The following NEK10 variants were observed in gnomAD, a reference collection of about 807,000 sequenced individuals.
NEK10 encodes the protein NIMA related kinase 10.
NEK10 carries 122 observed loss-of-function variants against 159.8 expected under a neutral mutation model. That is an observed-to-expected ratio of 0.76 (90% CI 0.66 to 0.89). The LOEUF is 0.89. Among genes scored for constraint, NEK10 ranks in the 40% least tolerant of loss-of-function variants. NEK10 has a pLI of 0.00. For synonymous variants in NEK10, 466 were observed against 457.1 expected (o/e 1.02, Z -0.25); for missense variants, 1,342 against 1,323.1 (o/e 1.01, Z -0.22).
intron 22 of NEK10, among the ~76,000 whole-genome samples, chr3:27,272,292 A>C (rs2041426942): frequency 6.6e-6 from 1 of 152,152 alleles, no homozygotes; most frequent in African/African-American, 2.4e-5. Flanking sequence ...CTCATCATTC[A>C]GTCATCAGGG....
Position 27,116,128 on chromosome 3 carries a change from C to T in NEK10, c.3191-1G>A. On this transcript the variant is annotated splice_acceptor_variant, in intron 33 of 35. Transcript: ENST00000691995. LOFTEE classifies it high-confidence loss of function. The stretch of plus-strand genomic sequence containing the variant: ...TCCAATTCAATGCTGGTTGGTAAAC[C>T]TAAAAAAGATAAATTATGGAAAGTC... 1 of 1,613,008 alleles carries T rather than the reference C, an allele frequency of 6.2e-7. No individual in the cohort carries two copies. Among genetic ancestry groups the T allele is most frequent in the Non-Finnish European group, 8.5e-7 (1 of 1,179,424 alleles).
intron 33 of NEK10, among the ~76,000 whole-genome samples, chr3:27,117,024 G>A (rs1940555145): frequency 6.6e-6 from 1 of 151,998 alleles, no homozygotes; most frequent in Non-Finnish European, 1.5e-5. Context: ...TCCCCTCTCT[G>A]TGTCCATGTG....
intron 6 of NEK10, among the ~76,000 whole-genome samples, chr3:27,320,590 C>T (rs894809912): frequency 1.3e-5 from 2 of 152,124 alleles, no homozygotes; most frequent in Non-Finnish European, 2.9e-5. Context: ...ATAAGCAGCT[C>T]AGAAATGCAT....
At chr3:27,363,450 A>T (rs917680499) in intron 1 of NEK10, among the ~76,000 whole-genome samples, 2 of 152,272 alleles carry the variant, frequency 1.3e-5, no homozygotes, top group African/African-American at 4.8e-5. Context: ...TGCTGAATGA[A>T]TCAATCAATG....
intron 29 of NEK10, among the ~76,000 whole-genome samples, chr3:27,165,010 T>G (rs1946355908): frequency 6.6e-6 from 1 of 152,230 alleles, no homozygotes; most frequent in South Asian, 2.1e-4. Context: ...GCTATTCCTT[T>G]ATATAATTTT....
chr3:27,143,407 G>A, intron 30 of NEK10: 1 of 734,480 alleles, frequency 1.4e-6, no homozygotes. Flanking sequence ...GATCTGTGAT[G>A]ACATTTTGAA....
chr3:27,295,049 T>C lies in NEK10; in HGVS notation c.1308+564A>G, dbSNP rs180876339. On this transcript the variant is annotated intron_variant, in intron 15 of 35. Transcript: ENST00000691995. ...ATGAATGTAGAACCTGGCTAACTGT[T>C]CCCCTTTCTTACATGTGAGGCCTCA... 2.5e-4 allele frequency among the ~76,000 whole-genome samples: 38 copies of C among 151,966 alleles called. No individual in the cohort carries two copies. The South Asian group carries it at 6.9e-3, about 27-fold the overall frequency.
At chr3:27,331,654 C>A (rs2046428731) in intron 5 of NEK10, among the ~76,000 whole-genome samples, 1 of 152,122 alleles carries the variant, frequency 6.6e-6, no homozygotes. Flanking sequence ...GATCTAGGTC[C>A]TGGAGCAGAT....
intron 23 of NEK10, among the ~76,000 whole-genome samples, chr3:27,254,638 A>AT (rs1409608298): frequency 7.8e-6 from 1 of 127,950 alleles, no homozygotes; most frequent in Non-Finnish European, 1.8e-5. Context: ...CGGAGAGATG[A>AT]GAGAAGGGAG....
chr3:27,204,470 C>A (rs1488836166), intron 23 of NEK10, among the ~76,000 whole-genome samples: 124 of 97,462 alleles, frequency 1.3e-3, no homozygotes, highest in African/African-American at 4.7e-3. Context: ...TCCCCCCACC[C>A]CACCACAGTC....
chr3:27,212,476 C>G (rs1559620883), intron 23 of NEK10, among the ~76,000 whole-genome samples: 2 of 152,164 alleles, frequency 1.3e-5, no homozygotes. Flanking sequence ...ATGGCCATGG[C>G]CTTCGACAGC....
chr3:27,107,809 AAAG>A lies in NEK10; in HGVS notation c.*3460_*3462del, dbSNP rs961302873. Among the ~76,000 whole-genome samples, 1 of 152,238 alleles carries A rather than the reference AAAG, an allele frequency of 6.6e-6. No individual in the cohort carries two copies. The highest frequency in any genetic ancestry group is 1.5e-5 in the Non-Finnish European group (1 of 68,044). ...AAAGGCAATGATGAAAGTTCCTTAA[AAAG>A]AAGTTTTTCCTGCCTTCAGACAGGA... On this transcript the variant is annotated 3_prime_UTR_variant, in exon 36 of 36. Coordinates refer to ENST00000691995, the MANE Select transcript of NEK10 (RefSeq NM_001394966.1).
intron 31 of NEK10, among the ~76,000 whole-genome samples, chr3:27,139,677 G>A (rs1943579301): frequency 6.6e-6 from 1 of 152,156 alleles, no homozygotes; most frequent in South Asian, 2.1e-4. Flanking sequence ...TTAACTGGTT[G>A]TTTGAGTAAA....
chr3:27,307,090 T>C (rs556683383), intron 11 of NEK10, among the ~76,000 whole-genome samples: 1 of 152,348 alleles, frequency 6.6e-6, no homozygotes, highest in Admixed American at 6.5e-5. Flanking sequence ...ACTACATATT[T>C]ATAACTTATT....
At chr3:27,194,716 C>G (rs1457335628) in intron 25 of NEK10, 5 of 152,310 alleles carry the variant, frequency 3.3e-5, no homozygotes, top group African/African-American at 1.2e-4. Context: ...GTCCTCATGA[C>G]TGCTTCTGAA....
chr3:27,346,950 T>C (rs1194226549), intron 3 of NEK10, among the ~76,000 whole-genome samples: 1 of 152,246 alleles, frequency 6.6e-6, no homozygotes, highest in Non-Finnish European at 1.5e-5. Context: ...TAGTTTCACT[T>C]ACCAGTATTT....
chr3:27,269,616 T>C (rs1575531247), intron 22 of NEK10, among the ~76,000 whole-genome samples: 1 of 152,300 alleles, frequency 6.6e-6, no homozygotes, highest in Admixed American at 6.5e-5. Context: ...GACTATAACA[T>C]AATGTGAACA....
At chr3:27,275,010 G>T (rs4973866) in intron 22 of NEK10, among the ~76,000 whole-genome samples, 35,264 of 152,006 alleles carry the variant, frequency 0.23, 4,459 homozygotes, top group Middle Eastern at 0.37. Flanking sequence ...GAACTCTACT[G>T]TATTAACCTT....
intron 22 of NEK10, among the ~76,000 whole-genome samples, chr3:27,259,044 T>A (rs2040153578): frequency 6.6e-6 from 1 of 151,470 alleles, no homozygotes; most frequent in African/African-American, 2.5e-5. Context: ...TTTATATCCT[T>A]CACCCACTTG....
Sources: allele counts gnomAD v4.1 joint callset (sites outside exome capture counted in the v4.1 genomes callset), GRCh38; gene constraint gnomAD v4.1.1; transcripts MANE v1.5; gene names NCBI Gene and HGNC (gene_info 2026-07-23, HGNC 2026-07-21).